Variants in WWTR1 observed in about 807,000 individuals in gnomAD.
WWTR1 encodes the protein WW domain containing transcription regulator 1.
A neutral mutation model predicts 40.1 loss-of-function variants in WWTR1; 13 were observed. That is an observed-to-expected ratio of 0.32 (90% CI 0.21 to 0.52). WWTR1 has a LOEUF of 0.52. Among genes scored for constraint, WWTR1 ranks in the 20% least tolerant of loss-of-function variants. The probability of loss-of-function intolerance (pLI) is 0.97; values close to 1 mark genes in which losing one functional copy is unlikely to be tolerated. For missense variants in WWTR1, 436 were observed against 523.1 expected, an observed-to-expected ratio of 0.83 and a Z score of 1.63; for synonymous variants, 230 against 210.1, an observed-to-expected ratio of 1.09 and a Z score of -0.82.
At chr3:149,583,211 C>T (rs573067247) in intron 2 of WWTR1, among the ~76,000 whole-genome samples, 1 of 152,182 alleles carries the variant, frequency 6.6e-6, no homozygotes, top group Admixed American at 6.5e-5. Flanking sequence ...TGTTATCCAC[C>T]CGCTTCGGCC....
intron 2 of WWTR1, among the ~76,000 whole-genome samples, chr3:149,592,999 A>C (rs183723573): frequency 6.6e-6 from 1 of 152,204 alleles, no homozygotes; most frequent in Non-Finnish European, 1.5e-5. Flanking sequence ...CTGCTAAAAA[A>C]AACTCCAGGC....
rs1191056617 is a variant in WWTR1 at position 149,517,896 on chromosome 3, T to C, written c.*2909A>G. 6.6e-6 allele frequency: 1 copy of C among 152,076 alleles called. No homozygotes were observed. The highest frequency in any genetic ancestry group is 1.5e-5 in the Non-Finnish European group (1 of 68,008). 9.4% of individuals were successfully genotyped at this position (152,076 alleles called of 1,614,324 possible). On this transcript the variant is annotated 3_prime_UTR_variant, in exon 7 of 7. Transcript: ENST00000360632. ...TTGATACGCCTTTTCTGTGACAAAATTTTGGGGTGAAATGATGATGTTTAC... is the reference window on the plus strand; with the variant it reads ...TTGATACGCCTTTTCTGTGACAAAACTTTGGGGTGAAATGATGATGTTTAC...
chr3:149,526,411 T>TA (rs80322377), intron 5 of WWTR1, among the ~76,000 whole-genome samples: 9,090 of 142,956 alleles, frequency 0.064, 379 homozygotes, highest in East Asian at 0.2. Context: ...TGTAAAACTT[T>TA]AAAAAAAAAA....
intron 4 of WWTR1, among the ~76,000 whole-genome samples, chr3:149,718,795 A>G (rs1422753946): frequency 4.0e-5 from 6 of 151,700 alleles, no homozygotes; most frequent in African/African-American, 1.5e-4. Flanking sequence ...TCCATGTTGT[A>G]GCATGCCTCA....
chr3:149,542,247 G>T (rs962666979), intron 4 of WWTR1, 88 bp downstream of exon 4: 1 of 1,444,754 alleles, frequency 6.9e-7, no homozygotes, highest in Non-Finnish European at 9.4e-7. Context: ...TTCTCTAGAA[G>T]AATTACCCTG....
At chr3:149,682,587 T>A (rs1178275810) in intron 1 of WWTR1, among the ~76,000 whole-genome samples, 1 of 152,208 alleles carries the variant, frequency 6.6e-6, no homozygotes, top group Non-Finnish European at 1.5e-5. Context: ...TTGGACTGCA[T>A]CATTCAACAT....
intron 1 of WWTR1, among the ~76,000 whole-genome samples, chr3:149,674,056 C>CAGAAAAAAAAAAAA (rs1714180366): frequency 8.2e-6 from 1 of 121,868 alleles, no homozygotes; most frequent in Admixed American, 9.5e-5. Flanking sequence ...CTCGTCTCTA[C>CAGAAAAAAAAAAAA]AAAAAAAAAA....
chr3:149,666,450 A>C (rs1399372641), intron 2 of WWTR1, among the ~76,000 whole-genome samples: 23 of 152,226 alleles, frequency 1.5e-4, no homozygotes. Context: ...ATAAGAGAGT[A>C]GATTAATTCT....
chr3:149,617,626 C>A (rs893058842), intron 2 of WWTR1, among the ~76,000 whole-genome samples: 3 of 152,132 alleles, frequency 2.0e-5, no homozygotes, highest in Non-Finnish European at 4.4e-5. Context: ...ATGGTGAAAT[C>A]CTGTCTTCAC....
intron 2 of WWTR1, among the ~76,000 whole-genome samples, chr3:149,643,874 G>T (rs770068899): frequency 1.3e-5 from 2 of 151,774 alleles, no homozygotes; most frequent in African/African-American, 4.8e-5. Flanking sequence ...TGGCTTCCAC[G>T]CACCACTCTC....
chr3:149,529,672 C>A, intron 4 of WWTR1, among the ~76,000 whole-genome samples: 1 of 152,122 alleles, frequency 6.6e-6, no homozygotes, highest in East Asian at 1.9e-4. Flanking sequence ...ACATGGCAGG[C>A]AGGGTGCATT....
rs552566616 is a variant in WWTR1, at chr3:149,656,795, A to T, written c.431+81T>A. 8.3e-3 allele frequency: 8,943 copies of T among 1,072,900 alleles called. 41 individuals are homozygous for T. The highest frequency in any genetic ancestry group is 0.025 in the African/African-American group (1,533 of 60,752). 66.5% of individuals were successfully genotyped at this position (1,072,900 alleles called of 1,614,324 possible). A position where few individuals can be genotyped will look rare whatever the true frequency, so the allele number is the denominator to read the frequency against. ...CTCTCTCTCTCTCTCTCTCTCTCAC[A>T]CACACACACACACACACACGAACAC... On this transcript the variant is annotated intron_variant, in intron 2 of 6. Transcript: ENST00000360632.
intron 3 of WWTR1, among the ~76,000 whole-genome samples, chr3:149,572,048 C>T (rs1737656681): frequency 6.6e-6 from 1 of 152,098 alleles, no homozygotes; most frequent in Non-Finnish European, 1.5e-5. Context: ...AAAAGTGAGC[C>T]ATATTATCCC....
chr3:149,673,562 A>T (rs1365679430), intron 1 of WWTR1, among the ~76,000 whole-genome samples: 3 of 152,246 alleles, frequency 2.0e-5, no homozygotes, highest in Admixed American at 2.0e-4. Context: ...TGCATCACTC[A>T]GCCCTGAATC....
chr3:149,645,880 T>A (rs1712496149), intron 2 of WWTR1, among the ~76,000 whole-genome samples: 1 of 152,214 alleles, frequency 6.6e-6, no homozygotes, highest in Non-Finnish European at 1.5e-5. Context: ...TGGCAATGCT[T>A]ACCAGCAGAC....
chr3:149,539,014 C>G (rs967149349), intron 4 of WWTR1, among the ~76,000 whole-genome samples: 3 of 152,162 alleles, frequency 2.0e-5, no homozygotes, highest in African/African-American at 7.2e-5. Context: ...AATGAAGGCT[C>G]ACTTTAGATT....
At chr3:149,647,494 C>A (rs1033449227) in intron 2 of WWTR1, among the ~76,000 whole-genome samples, 4 of 152,128 alleles carry the variant, frequency 2.6e-5, no homozygotes, top group Non-Finnish European at 5.9e-5. Context: ...CTCAGAGGAA[C>A]TGAGAAAGTA....
chr3:149,601,588 G>A (rs1012879439), intron 2 of WWTR1, among the ~76,000 whole-genome samples: 5 of 151,930 alleles, frequency 3.3e-5, no homozygotes, highest in African/African-American at 9.7e-5. Flanking sequence ...ATCCCCTTGG[G>A]AACTTCCTAA....
At chr3:149,703,365 G>T (rs572281518), upstream of WWTR1, 17 of 152,134 alleles carry the variant, frequency 1.1e-4, no homozygotes, top group African/African-American at 3.9e-4. Flanking sequence ...AACCCAAAAG[G>T]GTTTTGCCAA....
Sources: gnomAD v4.1 joint callset for allele counts (sites outside exome capture counted in the v4.1 genomes callset) on GRCh38, gnomAD v4.1.1 for gene constraint, MANE v1.5 for transcripts, NCBI Gene and HGNC (gene_info 2026-07-23, HGNC 2026-07-21) for gene names.